Variants in ADORA2B observed in about 807,000 individuals in gnomAD.
ADORA2B encodes adenosine receptor A2b.
In ADORA2B, 18 loss-of-function variants were observed where a neutral mutation model predicts 20.8. The ratio of observed to expected loss-of-function variants is 0.87; its 90% CI spans 0.60 to 1.29. The LOEUF (loss-of-function observed/expected upper bound fraction) is 1.29. ADORA2B is among the 50% of genes most tolerant of loss of function. The pLI is 0.00. For synonymous variants in ADORA2B, 179 were observed against 178.3 expected, an observed-to-expected ratio of 1.00 and a Z score of -0.03; for missense variants, 441 against 422.7, an observed-to-expected ratio of 1.04 and a Z score of -0.38.
chr17:15,936,978 A>G, the ADORA2B span, among the ~76,000 whole-genome samples: 1 of 152,202 alleles, frequency 6.6e-6, no homozygotes. Context: ...TTAAATAAAA[A>G]TAAATAAAAC....
the ADORA2B span, among the ~76,000 whole-genome samples, chr17:15,912,001 T>G: frequency 1.3e-5 from 2 of 152,082 alleles, no homozygotes; most frequent in East Asian, 3.9e-4. Context: ...TCACCTGAGG[T>G]CAGAAGTTTG....
At chr17:15,897,877 A>G in the ADORA2B span, among the ~76,000 whole-genome samples, 2 of 152,246 alleles carry the variant, frequency 1.3e-5, no homozygotes, top group Admixed American at 1.3e-4. Flanking sequence ...GTGCTATGCC[A>G]GTATATTTCT....
chr17:15,877,330 G>C, the ADORA2B span, among the ~76,000 whole-genome samples: 2 of 152,158 alleles, frequency 1.3e-5, no homozygotes, highest in Non-Finnish European at 2.9e-5. Context: ...CTTGAGGTTT[G>C]ACTGCTCATG....
the ADORA2B span, among the ~76,000 whole-genome samples, chr17:15,857,011 C>T: frequency 2.6e-5 from 4 of 152,162 alleles, no homozygotes; most frequent in African/African-American, 9.7e-5. Flanking sequence ...CATCACAGGC[C>T]CAGTGACCTA....
intron 1 of ADORA2B, among the ~76,000 whole-genome samples, chr17:15,948,407 GCTCCAGTCCCCAGTGGTGCCGAC>G (rs1969846444): frequency 3.0e-5 from 1 of 33,682 alleles, no homozygotes; most frequent in African/African-American, 5.4e-5. Flanking sequence ...GCGGCGGGGG[GCTCCAGTCCCCAGTGGTGCCGAC>G]GGGAGTGGGC....
intron 1 of ADORA2B, among the ~76,000 whole-genome samples, chr17:15,971,280 A>C (rs181757714): frequency 2.2e-4 from 33 of 152,358 alleles, no homozygotes; most frequent in Admixed American, 2.2e-3. Flanking sequence ...TCACATCTCC[A>C]GTGAGGCAAT....
Position 15,962,609 on chromosome 17 carries a change from G to T in ADORA2B, c.336-12070G>T, listed in dbSNP as rs547924480. ...TGCAATGGCGCAATCTCAGCTCACC[G>T]CAACCTCTGCCTCCTAGGTTCAAGA... On this transcript the variant is annotated intron_variant, in intron 1 of 1. Coordinates refer to ENST00000304222, the MANE Select transcript of ADORA2B (RefSeq NM_000676.4). 7.2e-5 allele frequency among the ~76,000 whole-genome samples: 11 copies of T among 152,150 alleles called. No homozygotes were observed. The South Asian group carries it at 2.1e-3, about 29-fold the overall frequency.
intron 1 of ADORA2B, among the ~76,000 whole-genome samples, chr17:15,961,303 T>C (rs1970037056): frequency 6.6e-6 from 1 of 152,194 alleles, no homozygotes; most frequent in Non-Finnish European, 1.5e-5. Flanking sequence ...ATTAACATTT[T>C]TGAGTTCAGG....
chr17:15,908,850 C>T, the ADORA2B span, among the ~76,000 whole-genome samples: 23 of 152,250 alleles, frequency 1.5e-4, no homozygotes, highest in Admixed American at 2.6e-4. Flanking sequence ...TTTGCTCTTC[C>T]GTGGGACACT....
At chr17:15,850,767 CTG>C in the ADORA2B span, 1 of 157,640 alleles carries the variant, frequency 6.3e-6, no homozygotes. Context: ...GTGTCTGTGT[CTG>C]TGTGTGTAGA....
the ADORA2B span, among the ~76,000 whole-genome samples, chr17:15,922,774 C>T: frequency 0.17 from 25,934 of 152,188 alleles, 2,335 homozygotes; most frequent in Non-Finnish European, 0.2. Flanking sequence ...CCTGTGGGAG[C>T]TGGATTAACT....
intron 1 of ADORA2B, among the ~76,000 whole-genome samples, chr17:15,961,060 A>G (rs1245919939): frequency 7.5e-4 from 102 of 135,610 alleles, no homozygotes; most frequent in Middle Eastern, 5.1e-3. Flanking sequence ...CCAGCTACTC[A>G]GGAGGCTGAG....
At position 15,945,358 on chromosome 17, in the gene ADORA2B, C is replaced by T. The variant is rs1388956463; in HGVS notation, c.110C>T (p.Thr37Ile). The T allele has an allele frequency of 5.0e-6, 8 of 1,610,702 alleles. No individual in the cohort carries two copies. The highest frequency in any genetic ancestry group is 1.6e-4 in the Middle Eastern group (1 of 6,062). ...LVCAAVGTAN[T>I]LQTPTNYFLV... is the part of the protein sequence containing the mutation. ...TGCGCCGCGGTGGGCACGGCGAACACTCTGCAGACGCCCACCAACTACTTC... is the reference window on the plus strand; with the variant it reads ...TGCGCCGCGGTGGGCACGGCGAACATTCTGCAGACGCCCACCAACTACTTC... The change falls in exon 1 of 2, where the codon ACT becomes ATT. Residue 37 changes from threonine (T) to isoleucine (I), a missense_variant. By Grantham distance (89) the Thr-to-Ile change is moderately conservative. Coordinates refer to ENST00000304222, the MANE Select transcript of ADORA2B (RefSeq NM_000676.4).
chr17:15,962,473 G>T (rs1023787348), intron 1 of ADORA2B, among the ~76,000 whole-genome samples: 7 of 151,980 alleles, frequency 4.6e-5, no homozygotes, highest in Non-Finnish European at 1.0e-4. Flanking sequence ...TGGACTTACA[G>T]AATTTTATTT....
At chr17:15,859,937 A>G in the ADORA2B span, among the ~76,000 whole-genome samples, 277 of 152,344 alleles carry the variant, frequency 1.8e-3, 2 homozygotes, top group African/African-American at 6.3e-3. Flanking sequence ...GCCTCCAAAG[A>G]AAGAAGTAGT....
chr17:15,944,686 TGCCTGCCCGGCAGCCCCCCATCCAGTCG>T (rs1458650261), upstream of ADORA2B, among the ~76,000 whole-genome samples: 2 of 152,118 alleles, frequency 1.3e-5, no homozygotes, highest in Admixed American at 1.3e-4. The surrounding 1 kb of genome is among the most constrained non-coding windows in gnomAD (Gnocchi z 4.8). Context: ...CTCGGCTCCC[TGCCTGCCCGGCAGCCCCCCATCCAGTCG>T]GCCTGCCCGG....
chr17:15,922,879 A>G, the ADORA2B span, among the ~76,000 whole-genome samples: 2 of 152,232 alleles, frequency 1.3e-5, no homozygotes, highest in Admixed American at 6.5e-5. Flanking sequence ...CTGGTCTAAT[A>G]GGTGAGAAGT....
upstream of ADORA2B, among the ~76,000 whole-genome samples, chr17:15,940,394 G>C (rs1045328728): frequency 6.6e-6 from 1 of 152,228 alleles, no homozygotes; most frequent in East Asian, 1.9e-4. Flanking sequence ...CCAGTGACAA[G>C]TCCTTGGATG....
chr17:15,882,441 C>T, the ADORA2B span, among the ~76,000 whole-genome samples: 1 of 152,194 alleles, frequency 6.6e-6, no homozygotes, highest in African/African-American at 2.4e-5. Context: ...TGGCCGGGCA[C>T]AGTGGCTCAT....
Sources: allele counts gnomAD v4.1 joint callset (sites outside exome capture counted in the v4.1 genomes callset), GRCh38; gene constraint gnomAD v4.1.1; non-coding constraint Gnocchi (gnomAD v3.1); transcripts MANE v1.5; gene names NCBI Gene and HGNC (gene_info 2026-07-23, HGNC 2026-07-21).